Variants in OTOGL observed in about 807,000 individuals in gnomAD.
OTOGL encodes the protein otogelin like, also known as otogelin-like protein.
Under a neutral mutation model 318.5 loss-of-function variants are expected in OTOGL, and 285 were observed. That is an observed-to-expected ratio of 0.89 (90% CI 0.81 to 0.99). The LOEUF (loss-of-function observed/expected upper bound fraction) is 0.99. OTOGL is among the 50% of genes least tolerant of loss of function. The pLI is 0.00. For missense variants in OTOGL, 2,899 were observed against 2,845.6 expected (o/e 1.02, Z -0.43); for synonymous variants, 987 against 936.5 (o/e 1.05, Z -0.99).
intron 34 of OTOGL, among the ~76,000 whole-genome samples, chr12:80,321,692 C>T (rs1177388094): frequency 3.9e-5 from 6 of 152,256 alleles, no homozygotes; most frequent in Admixed American, 6.5e-5. Context: ...CAGAATTCTG[C>T]AAGGGTTCTT....
intron 1 of OTOGL, among the ~76,000 whole-genome samples, chr12:80,107,755 A>G (rs1375360356): frequency 2.6e-5 from 4 of 152,152 alleles, no homozygotes; most frequent in Non-Finnish European, 5.9e-5. Flanking sequence ...TACACCATGG[A>G]ATACTACATA....
intron 42 of OTOGL, among the ~76,000 whole-genome samples, chr12:80,337,904 G>A (rs868692309): frequency 9.9e-5 from 15 of 151,954 alleles, no homozygotes; most frequent in Admixed American, 7.2e-4. Flanking sequence ...CTTTGAGTTC[G>A]ATGAGGTTGA....
At chr12:80,286,852 TTTTTTGAA>T (rs1884669050) in intron 26 of OTOGL, among the ~76,000 whole-genome samples, 1 of 152,162 alleles carries the variant, frequency 6.6e-6, no homozygotes, top group African/African-American at 2.4e-5. Context: ...GATTCATTGA[TTTTTTGAA>T]GGATTTTTCG....
At chr12:80,200,764 G>C (rs1354044911) in intron 1 of OTOGL, among the ~76,000 whole-genome samples, 2 of 152,188 alleles carry the variant, frequency 1.3e-5, no homozygotes, top group Non-Finnish European at 2.9e-5. Flanking sequence ...TTGAAATACT[G>C]TGTTCAGTAA....
rs1186907374 is a variant in OTOGL at position 80,236,611 on chromosome 12, G to A, written c.818-2240G>A. Among the ~76,000 whole-genome samples the A allele has an allele frequency of 2.0e-5, 3 of 152,020 alleles. No individual in the cohort carries two copies. In the South Asian group the frequency reaches 6.2e-4, roughly 32 times the overall value. On this transcript the variant is annotated intron_variant, in intron 9 of 58. Transcript: ENST00000547103. ...TTGTTTCTTTAGACCTCTAAAAAAT[G>A]TTTTGAAAGGAAATGTAACTATAAG...
At chr12:80,276,916 GAA>G (rs923254127) in intron 24 of OTOGL, among the ~76,000 whole-genome samples, 10 of 151,634 alleles carry the variant, frequency 6.6e-5, no homozygotes, top group Admixed American at 4.6e-4. Flanking sequence ...CCATGAGAGA[GAA>G]AGCAGAGAGC....
At chr12:80,254,251 T>C (rs1302254472) in intron 14 of OTOGL, among the ~76,000 whole-genome samples, 6 of 152,046 alleles carry the variant, frequency 3.9e-5, no homozygotes, top group Non-Finnish European at 8.8e-5. Flanking sequence ...TTCATCATAG[T>C]CAGTGATTTT....
chr12:80,318,182 T>C (rs1198384016), intron 32 of OTOGL, among the ~76,000 whole-genome samples: 1 of 152,164 alleles, frequency 6.6e-6, no homozygotes, highest in Non-Finnish European at 1.5e-5. Flanking sequence ...GAAAAAAGTC[T>C]TGCCCTTATA....
intron 20 of OTOGL, 49 bp downstream of exon 20, chr12:80,265,259 C>A: frequency 6.6e-7 from 1 of 1,513,034 alleles, no homozygotes; most frequent in Non-Finnish European, 9.1e-7. Flanking sequence ...CCTTAGAGAC[C>A]TCTATGTTTG....
At chr12:80,299,625 C>A (rs562734791) in intron 27 of OTOGL, among the ~76,000 whole-genome samples, 107 of 144,742 alleles carry the variant, frequency 7.4e-4, no homozygotes, top group African/African-American at 2.0e-3. Flanking sequence ...AAAAAAAAAA[C>A]CACCTCTGTT....
At chr12:80,219,249 C>A (rs1592561716) in intron 5 of OTOGL, among the ~76,000 whole-genome samples, 1 of 152,118 alleles carries the variant, frequency 6.6e-6, no homozygotes, top group Non-Finnish European at 1.5e-5. Flanking sequence ...GTAGCTGGGA[C>A]TACAGGCATG....
chr12:80,297,232 TCA>T (rs958074518), intron 27 of OTOGL, among the ~76,000 whole-genome samples: 23 of 152,268 alleles, frequency 1.5e-4, no homozygotes, highest in African/African-American at 5.5e-4. Context: ...CTTAATTACT[TCA>T]GTGGCTTCCA....
At chr12:80,211,178 A>G (rs1485377354) in intron 3 of OTOGL, among the ~76,000 whole-genome samples, 1 of 152,030 alleles carries the variant, frequency 6.6e-6, no homozygotes, top group African/African-American at 2.4e-5. Flanking sequence ...TCATTTCAAA[A>G]GTTTGTAAAA....
At chr12:80,267,808 T>G (rs35749313) in intron 22 of OTOGL, among the ~76,000 whole-genome samples, 5,657 of 151,992 alleles carry the variant, frequency 0.037, 335 homozygotes, top group African/African-American at 0.12. Context: ...ATATATGACA[T>G]TTCAAAGTGA....
intron 1 of OTOGL, among the ~76,000 whole-genome samples, chr12:80,158,097 C>T (rs1042185222): frequency 3.9e-5 from 6 of 151,942 alleles, no homozygotes; most frequent in Admixed American, 1.3e-4. Flanking sequence ...AGCTTATAAA[C>T]CTTTATTCAC....
At chr12:80,213,959 T>C (rs540725707) in intron 4 of OTOGL, among the ~76,000 whole-genome samples, 56 of 152,226 alleles carry the variant, frequency 3.7e-4, no homozygotes, top group African/African-American at 1.2e-3. Context: ...ATGTTGGCAA[T>C]GAGGTGAGCA....
At chr12:80,326,309 A>G (rs1887676499) in intron 35 of OTOGL, among the ~76,000 whole-genome samples, 1 of 152,100 alleles carries the variant, frequency 6.6e-6, no homozygotes, top group African/African-American at 2.4e-5. Context: ...CATAGAGCAC[A>G]TATGTAAATA....
At chr12:80,125,514 C>T (rs1326382120) in intron 1 of OTOGL, among the ~76,000 whole-genome samples, 4 of 152,116 alleles carry the variant, frequency 2.6e-5, no homozygotes, top group African/African-American at 4.8e-5. Flanking sequence ...TTGATTGTGT[C>T]TCTGCCAGGC....
Position 80,271,749 on chromosome 12 carries a change from G to A in OTOGL, c.2620G>A (p.Ala874Thr). Residue 874 changes from alanine (A) to threonine (T), a missense_variant, in exon 24 of 59, where the codon GCC becomes ACC. By Grantham distance (58) the Ala-to-Thr change is moderately conservative (BLOSUM62 0). Transcript: ENST00000547103. ...VNCETTCANL[A>T]MNFTCTPSSP... ...TTGTGAGACTACATGTGCAAACCTA[G>A]CCATGAACTTCACCTGCACCCCATC... The A allele has an allele frequency of 6.2e-7, 1 of 1,613,212 alleles. No homozygotes were observed. Among genetic ancestry groups the A allele is most frequent in the Non-Finnish European group, 8.5e-7 (1 of 1,179,478 alleles).
Sources: allele counts gnomAD v4.1 joint callset (sites outside exome capture counted in the v4.1 genomes callset), GRCh38; gene constraint gnomAD v4.1.1; transcripts MANE v1.5; gene names NCBI Gene and HGNC (gene_info 2026-07-23, HGNC 2026-07-21).